The following SPRY3 variants were observed in gnomAD, a reference collection of about 807,000 sequenced individuals.
SPRY3 encodes protein sprouty homolog 3.
In SPRY3, 15 loss-of-function variants were observed where a neutral mutation model predicts 20.2. The ratio of observed to expected loss-of-function variants is 0.74; its 90% CI spans 0.50 to 1.14. The LOEUF (loss-of-function observed/expected upper bound fraction) is 1.14. SPRY3 is among the 50% of genes most tolerant of loss of function. The pLI is 0.00. For missense variants in SPRY3, 364 were observed against 363.9 expected, an observed-to-expected ratio of 1.00 and a Z score of 0.00; for synonymous variants, 143 against 136.5, an observed-to-expected ratio of 1.05 and a Z score of -0.33.
At chrX:155,630,405 C>G (rs1442609330) in intron 1 of SPRY3, among the ~76,000 whole-genome samples, 1 of 111,773 alleles carries the variant, frequency 8.9e-6, no homozygotes, top group Non-Finnish European at 1.9e-5. Flanking sequence ...TCTTGTATGA[C>G]AGGTCTGATG....
chrX:155,711,832 G>C (rs910999073), intron 2 of SPRY3, among the ~76,000 whole-genome samples: 35 of 149,834 alleles, frequency 2.3e-4, no homozygotes, highest in African/African-American at 7.5e-4. Context: ...TTTGTTGTAG[G>C]GACTTATAGC....
chrX:155,640,474 A>C (rs969249479), intron 1 of SPRY3, among the ~76,000 whole-genome samples: 2 of 112,257 alleles, frequency 1.8e-5, no homozygotes, highest in Admixed American at 1.9e-4. Flanking sequence ...AAGCAACTCA[A>C]CTTTTTTTGA....
chrX:155,666,614 G>A (rs971454617), intron 2 of SPRY3, among the ~76,000 whole-genome samples: 1 of 111,785 alleles, frequency 8.9e-6, no homozygotes, highest in Non-Finnish European at 1.9e-5. Flanking sequence ...CGACTTGAGA[G>A]TTGATCATTG....
intron 2 of SPRY3, among the ~76,000 whole-genome samples, chrX:155,703,684 T>C (rs2090927700): frequency 6.8e-6 from 1 of 147,424 alleles, no homozygotes; most frequent in South Asian, 2.2e-4. Context: ...CTCTTGCTTT[T>C]CTAGTTCTTT....
At chrX:155,651,532 T>A (rs2067977542) in intron 1 of SPRY3, among the ~76,000 whole-genome samples, 1 of 111,946 alleles carries the variant, frequency 8.9e-6, no homozygotes, top group East Asian at 2.8e-4. Context: ...TTCCTAATTA[T>A]TGAATTTTGA....
At chrX:155,704,832 CA>C (rs1569380220) in intron 2 of SPRY3, among the ~76,000 whole-genome samples, 1 of 151,372 alleles carries the variant, frequency 6.6e-6, no homozygotes, top group East Asian at 1.9e-4. Context: ...TGTCATAAGC[CA>C]TACAAGTCAG....
chrX:155,703,847 C>A (rs765481041), intron 2 of SPRY3, among the ~76,000 whole-genome samples: 5 of 152,040 alleles, frequency 3.3e-5, no homozygotes, highest in Admixed American at 2.0e-4. Flanking sequence ...CCCTTAATCT[C>A]ATAATTGAAC....
At chrX:155,778,174 T>C (rs1028020849), downstream of SPRY3, 3 of 167,034 alleles carry the variant, frequency 1.8e-5, no homozygotes, top group Admixed American at 6.5e-5. Context: ...CCCAGGTCCA[T>C]GCTCCAGAGT....
chrX:155,760,406 A>C (rs1001844760), intron 2 of SPRY3, among the ~76,000 whole-genome samples: 2 of 152,188 alleles, frequency 1.3e-5, no homozygotes, highest in African/African-American at 4.8e-5. Flanking sequence ...GTTACTATTT[A>C]TTTGAACCTT....
At chrX:155,677,131 G>T (rs1027398753) in intron 2 of SPRY3, among the ~76,000 whole-genome samples, 1 of 111,741 alleles carries the variant, frequency 8.9e-6, no homozygotes, top group Non-Finnish European at 1.9e-5. Flanking sequence ...ATCAAAAAGA[G>T]TCATTTGCAA....
intron 2 of SPRY3, among the ~76,000 whole-genome samples, chrX:155,744,693 C>T (rs759346180): frequency 2.9e-4 from 44 of 152,124 alleles, no homozygotes; most frequent in East Asian, 1.2e-3. Context: ...ACCACAGCCT[C>T]GCACAACCAT....
chrX:155,705,527 A>C (rs1233252553), intron 2 of SPRY3, among the ~76,000 whole-genome samples: 1 of 151,448 alleles, frequency 6.6e-6, no homozygotes, highest in East Asian at 1.9e-4. Flanking sequence ...TAATCACATT[A>C]AGTGTAAATA....
chrX:155,613,142 A>T (rs2067836829), intron 1 of SPRY3, among the ~76,000 whole-genome samples: 1 of 111,764 alleles, frequency 8.9e-6, no homozygotes, highest in East Asian at 2.8e-4. Flanking sequence ...TAAAGCTATA[A>T]AACCTGGGTC....
At chrX:155,717,221 A>G (rs1166436365) in intron 2 of SPRY3, among the ~76,000 whole-genome samples, 1 of 150,684 alleles carries the variant, frequency 6.6e-6, no homozygotes, top group Non-Finnish European at 1.5e-5. Flanking sequence ...TACCCTGTCT[A>G]TGCTTGTTAT....
intron 1 of SPRY3, among the ~76,000 whole-genome samples, chrX:155,653,065 C>T (rs1474478158): frequency 9.0e-6 from 1 of 111,018 alleles, no homozygotes; most frequent in Non-Finnish European, 1.9e-5. Context: ...AATTGGGTTG[C>T]TTTTCTCATT....
At chrX:155,749,712 T>C (rs756999248) in intron 2 of SPRY3, among the ~76,000 whole-genome samples, 1 of 151,960 alleles carries the variant, frequency 6.6e-6, no homozygotes, top group African/African-American at 2.4e-5. Context: ...TGGCTTTCAC[T>C]ATGATTTTTG....
At chrX:155,712,990 C>T (rs1049105034) in intron 2 of SPRY3, among the ~76,000 whole-genome samples, 6 of 151,938 alleles carry the variant, frequency 3.9e-5, no homozygotes, top group Non-Finnish European at 5.9e-5. Context: ...AACTTCATCC[C>T]CTTGCTTTTT....
At chrX:155,716,970 C>A (rs1299372804) in intron 2 of SPRY3, among the ~76,000 whole-genome samples, 2 of 89,288 alleles carry the variant, frequency 2.2e-5, no homozygotes, top group South Asian at 3.9e-4. Context: ...CCTGTTTCCA[C>A]TAAAATACAA....
intron 2 of SPRY3, among the ~76,000 whole-genome samples, chrX:155,662,145 C>G (rs782812247): frequency 9.0e-6 from 1 of 111,428 alleles, no homozygotes; most frequent in Non-Finnish European, 1.9e-5. Context: ...TACACTGGTT[C>G]CTTCTTATCT....
Sources: gnomAD v4.1 joint callset for allele counts (sites outside exome capture counted in the v4.1 genomes callset) on GRCh38, gnomAD v4.1.1 for gene constraint, MANE v1.5 for transcripts, NCBI Gene and HGNC (gene_info 2026-07-23, HGNC 2026-07-21) for gene names.